COL12A1: variants seen among roughly 807,000 people sequenced by gnomAD.
COL12A1 encodes collagen type XII alpha 1 chain, also known as collagen alpha-1(XII) chain.
A neutral mutation model predicts 349.7 loss-of-function variants in COL12A1; 114 were observed. The ratio of observed to expected loss-of-function variants is 0.33; its 90% CI spans 0.28 to 0.38. The LOEUF (loss-of-function observed/expected upper bound fraction) is 0.38. Among genes scored for constraint, COL12A1 ranks in the 10% least tolerant of loss-of-function variants. The probability of loss-of-function intolerance (pLI) is 1.00; values close to 1 mark genes in which losing one functional copy is unlikely to be tolerated. For synonymous variants in COL12A1, 1,369 were observed against 1,329.0 expected (o/e 1.03, Z -0.66); for missense variants, 3,284 against 3,756.9 (o/e 0.87, Z 3.29).
intron 37 of COL12A1, 33 bp downstream of exon 37, chr6:75,130,058 T>C (rs745382265): frequency 6.2e-7 from 1 of 1,610,048 alleles, no homozygotes; most frequent in East Asian, 2.2e-5. Context: ...GCTAAGATGA[T>C]AAAATGTGCC....
intron 21 of COL12A1, 84 bp downstream of exon 21, chr6:75,151,057 T>TGGCC: frequency 2.3e-6 from 1 of 426,060 alleles, no homozygotes; most frequent in Non-Finnish European, 4.5e-6. Context: ...CACAAAATAG[T>TGGCC]GCCCTCCCCC....
chr6:75,131,842 G>T, intron 35 of COL12A1, 98 bp downstream of exon 35: 1 of 1,292,266 alleles, frequency 7.7e-7, no homozygotes, highest in Non-Finnish European at 1.1e-6. Context: ...TTATACACTG[G>T]CATGTTTGTG....
intron 40 of COL12A1, 54 bp from the exon 41 acceptor site, chr6:75,124,425 A>G: frequency 3.1e-6 from 4 of 1,303,724 alleles, no homozygotes; most frequent in South Asian, 2.8e-5. Context: ...CAAAAAGTGT[A>G]CTTTTAATCA....
rs1396549511 is a variant in COL12A1, at chr6:75,123,345, G to A, written c.6931C>T (p.Pro2311Ser). 7.5e-6 allele frequency: 12 copies of A among 1,609,226 alleles called. No homozygotes were observed. Among genetic ancestry groups the A allele is most frequent in the Non-Finnish European group, 1.0e-5 (12 of 1,177,768 alleles). ...CTGTACTTACCATCCCGGGCTGGTG[G>A]AATGGTGGGAGGGGGAGGAGGTGTG... The part of the protein sequence containing the change: ...PPTPPPPPTI[P>S]PARDVCKGAK... The change falls in exon 43 of 66, where the codon CCA becomes TCA. Residue 2311 changes from proline to serine, a missense_variant. Pro to Ser is a moderately conservative substitution (Grantham distance 74). Around this residue, in one of 2 missense-constraint regions of COL12A1, gnomAD observed 2,601 missense variants for 2,824.8 expected, o/e 0.92. Coordinates refer to ENST00000322507, the MANE Select transcript of COL12A1 (RefSeq NM_004370.6).
intron 25 of COL12A1, 100 bp downstream of exon 25, chr6:75,145,226 T>C (rs926090391): frequency 7.7e-6 from 9 of 1,162,968 alleles, no homozygotes; most frequent in Admixed American, 6.8e-5. Context: ...TGACTTTGTA[T>C]ATAAATTATC....
chr6:75,123,357 G>C lies in COL12A1; in HGVS notation c.6919C>G (p.Pro2307Ala), dbSNP rs758186176. ...APTEPPTPPP[P>A]PTIPPARDVC... ...TCCCGGGCTGGTGGAATGGTGGGAG[G>C]GGGAGGAGGTGTGGGTGGCTCTGTA... The change falls in exon 43 of 66, where the codon CCT (proline) becomes GCT (alanine). Residue 2307 changes from proline to alanine, a missense_variant. Around this residue, in one of 2 missense-constraint regions of COL12A1, gnomAD observed 2,601 missense variants for 2,824.8 expected, o/e 0.92. Transcript: ENST00000322507. The C allele has an allele frequency of 3.1e-6, 5 of 1,607,864 alleles. No homozygotes were observed. In the East Asian group the frequency reaches 6.7e-5, roughly 22 times the overall value.
chr6:75,121,240 G>C, intron 44 of COL12A1, 62 bp downstream of exon 44: 1 of 1,385,696 alleles, frequency 7.2e-7, no homozygotes. Context: ...TACTTAAAAA[G>C]AGAAGTTCAA....
intron 24 of COL12A1, among the ~76,000 whole-genome samples, 156 bp from the exon 25 acceptor site, chr6:75,145,611 C>CTTTTTTTTTTTTTTTTTTTTGTTTTTTT (rs56698330): frequency 1.7e-5 from 2 of 121,188 alleles, no homozygotes; most frequent in Admixed American, 8.2e-5. Context: ...CTGATGTTTT[C>CTTTTTTTTTTTTTTTTTTTTGTTTTTTT]TTTTTTTTTT....
At chr6:75,205,149 G>A (rs1234224097) in intron 1 of COL12A1, among the ~76,000 whole-genome samples, 1 of 151,258 alleles carries the variant, frequency 6.6e-6, no homozygotes, top group African/African-American at 2.4e-5. Flanking sequence ...GGGAGTCGGA[G>A]AGGGGACTTT....
intron 42 of COL12A1, 93 bp downstream of exon 42, chr6:75,123,855 A>G: frequency 7.7e-7 from 1 of 1,294,346 alleles, no homozygotes; most frequent in Non-Finnish European, 1.1e-6. Flanking sequence ...CCCTACGGAG[A>G]GGTACCTGCA....
At chr6:75,105,359 C>G (rs542531797) in intron 53 of COL12A1, 67 bp from the exon 54 acceptor site, 12 of 1,061,370 alleles carry the variant, frequency 1.1e-5, no homozygotes, top group Middle Eastern at 2.1e-4. Flanking sequence ...ATCCCCACCC[C>G]CACTTACATG....
At chr6:75,154,955 C>T (rs1219460841) in intron 16 of COL12A1, among the ~76,000 whole-genome samples, 3 of 152,164 alleles carry the variant, frequency 2.0e-5, no homozygotes, top group African/African-American at 7.2e-5. Context: ...ATGCCTGACA[C>T]ATAGTAAGCT....
intron 13 of COL12A1, among the ~76,000 whole-genome samples, chr6:75,173,693 T>C (rs918958993): frequency 8.5e-5 from 13 of 152,168 alleles, no homozygotes; most frequent in African/African-American, 1.4e-4. Flanking sequence ...CTATTTAAAT[T>C]AGTATTTTTT....
In COL12A1 at chr6:75,146,186, C is replaced by T. The variant is rs1267756642; in HGVS notation, c.4476G>A (p.Val1492=). ...TAGCTCCTCCCACAGGCTGCCACTG[C>T]ACATGCATGGTGGTAGGGCCAACAT... is the stretch of plus-strand genomic sequence containing the variant. The part of the protein sequence containing the change: ...IYDVGPTTMH[V]QWQPVGGATG... The change falls in exon 24 of 66, where the codon GTG becomes GTA. Residue 1492 remains valine (V), a synonymous_variant. Coordinates refer to ENST00000322507, the MANE Select transcript of COL12A1 (RefSeq NM_004370.6). 4 of 1,613,418 alleles carry T rather than the reference C, an allele frequency of 2.5e-6. No homozygotes were observed. The highest frequency in any genetic ancestry group is 1.6e-4 in the Middle Eastern group (1 of 6,082).
At chr6:75,147,906 A>G (rs2149409674) in intron 22 of COL12A1, 102 bp from the exon 23 acceptor site, 1 of 1,229,986 alleles carries the variant, frequency 8.1e-7, no homozygotes, top group Non-Finnish European at 1.1e-6. Flanking sequence ...TAGAATCTAT[A>G]TTTCAATTAG....
chr6:75,118,093 T>C (rs1343847469), intron 46 of COL12A1, among the ~76,000 whole-genome samples: 6 of 152,108 alleles, frequency 3.9e-5, no homozygotes, highest in Admixed American at 3.9e-4. Flanking sequence ...GAAAGCTAAA[T>C]TTGACATCAG....
chr6:75,104,593 C>A (rs916651084), intron 54 of COL12A1, among the ~76,000 whole-genome samples: 2 of 152,202 alleles, frequency 1.3e-5, no homozygotes, highest in African/African-American at 4.8e-5. Context: ...GATCGACTAA[C>A]TCAAGGGGTT....
rs1767762960 is a variant in COL12A1, at chr6:75,156,374, G to C, written c.3133C>G (p.Pro1045Ala). The change falls in exon 15 of 66, where the codon CCC becomes GCC. Residue 1045 changes from proline to alanine, a missense_variant. By Grantham distance (27) the Pro-to-Ala change is conservative. Coordinates refer to ENST00000322507, the MANE Select transcript of COL12A1 (RefSeq NM_004370.6). The part of the protein sequence containing the change: ...RGKQMVAKVP[P>A]TVTSTVLKRL... Reference sequence around the variant, plus strand: ...TTTAACACTGTCGAAGTGACTGTGGGGGGCACCTTAGCAACCATTTGCTTC... The same window carrying C: ...TTTAACACTGTCGAAGTGACTGTGGCGGGCACCTTAGCAACCATTTGCTTC... The C allele has an allele frequency of 6.2e-7, 1 of 1,613,758 alleles. No individual in the cohort carries two copies. Among genetic ancestry groups the C allele is most frequent in the Non-Finnish European group, 8.5e-7 (1 of 1,179,886 alleles).
rs73749971 is a variant in COL12A1, at chr6:75,147,025, G to T, written c.4417+650C>A. On this transcript the variant is annotated intron_variant, in intron 23 of 65. Transcript: ENST00000322507. ...CAACCAAGAAGCAAGAAGTAGGAAA[G>T]AATAATTTCATATGTCTCTGGAAGC... Among the ~76,000 whole-genome samples, 1,317 of 152,250 alleles carry T rather than the reference G, an allele frequency of 8.7e-3. 17 individuals carry two copies. Among genetic ancestry groups the T allele is most frequent in the African/African-American group, 0.029 (1,216 of 41,540 alleles).
Sources: allele counts gnomAD v4.1 joint callset (sites outside exome capture counted in the v4.1 genomes callset), GRCh38; gene constraint gnomAD v4.1.1; regional missense constraint gnomAD v4.1.1; transcripts MANE v1.5; gene names NCBI Gene and HGNC (gene_info 2026-07-23, HGNC 2026-07-21).